LIPC: variants seen among roughly 807,000 people sequenced by gnomAD.
LIPC encodes lipase C, hepatic type.
Under a neutral mutation model 50.7 loss-of-function variants are expected in LIPC, and 44 were observed. That is an observed-to-expected ratio of 0.87 (90% CI 0.68 to 1.11). LIPC has a LOEUF of 1.11. Among genes scored for constraint, LIPC ranks in the 50% most tolerant of loss-of-function variants. The pLI, the probability that LIPC is intolerant of heterozygous loss-of-function variation, is 0.00. For missense variants in LIPC, 697 were observed against 648.2 expected, an observed-to-expected ratio of 1.08 and a Z score of -0.82; for synonymous variants, 271 against 256.4, an observed-to-expected ratio of 1.06 and a Z score of -0.54.
At chr15:58,446,823 G>T (rs1595854691) in intron 1 of LIPC, among the ~76,000 whole-genome samples, 1 of 152,164 alleles carries the variant, frequency 6.6e-6, no homozygotes, top group Non-Finnish European at 1.5e-5. Flanking sequence ...ATCTTCATCA[G>T]AGGGCTAAGC....
At chr15:58,490,562 T>C (rs1891551855) in intron 1 of LIPC, among the ~76,000 whole-genome samples, 1 of 152,196 alleles carries the variant, frequency 6.6e-6, no homozygotes, top group South Asian at 2.1e-4. Flanking sequence ...CTTCCAAATC[T>C]GGCCCGTCAC....
chr15:58,513,985 C>T (rs1348097219), intron 1 of LIPC, among the ~76,000 whole-genome samples: 1 of 152,202 alleles, frequency 6.6e-6, no homozygotes, highest in African/African-American at 2.4e-5. Context: ...CAATCATTTC[C>T]GTGACGAGCT....
intron 1 of LIPC, among the ~76,000 whole-genome samples, chr15:58,512,971 A>G (rs1221037969): frequency 6.6e-6 from 1 of 152,104 alleles, no homozygotes; most frequent in African/African-American, 2.4e-5. Flanking sequence ...GAAAAAAAAA[A>G]AAAAGTAAAA....
chr15:58,515,036 C>T (rs997735642), intron 1 of LIPC, among the ~76,000 whole-genome samples: 4 of 152,290 alleles, frequency 2.6e-5, no homozygotes, highest in Admixed American at 6.5e-5. Flanking sequence ...AGGCCACCTA[C>T]GTTCCTTGGC....
chr15:58,519,410 C>A (rs367725401), intron 1 of LIPC, among the ~76,000 whole-genome samples: 153 of 131,790 alleles, frequency 1.2e-3, no homozygotes, highest in East Asian at 1.5e-3. Flanking sequence ...GACTCTGTCT[C>A]AAAAAAAAAA....
chr15:58,566,082 T>G, intron 8 of LIPC: 1 of 977,968 alleles, frequency 1.0e-6, no homozygotes, highest in Non-Finnish European at 1.2e-6. Context: ...ATGCAGGTTC[T>G]GCTTTAGTGA....
intron 1 of LIPC, among the ~76,000 whole-genome samples, chr15:58,438,962 A>T (rs1250892158): frequency 6.6e-6 from 1 of 152,240 alleles, no homozygotes; most frequent in African/African-American, 2.4e-5. Flanking sequence ...AAGGAAATGC[A>T]TGGAATGCAA....
chr15:58,538,185 G>A (rs757036641), intron 1 of LIPC, 148 bp from the exon 2 acceptor site: 5 of 819,164 alleles, frequency 6.1e-6, no homozygotes, highest in Middle Eastern at 2.6e-4. Context: ...CAGTCTTTGG[G>A]GCTCCCCACA....
intron 1 of LIPC, among the ~76,000 whole-genome samples, chr15:58,449,556 C>T (rs952207847): frequency 2.8e-5 from 4 of 142,742 alleles, no homozygotes; most frequent in African/African-American, 5.1e-5. Context: ...TGCATTTGTT[C>T]TTTTTTTTTT....
At chr15:58,453,317 T>G (rs1345833715) in intron 1 of LIPC, among the ~76,000 whole-genome samples, 1 of 151,848 alleles carries the variant, frequency 6.6e-6, no homozygotes, top group African/African-American at 2.4e-5. Context: ...AATAGCAACG[T>G]CTCAGCCAGC....
chr15:58,516,302 G>C lies in LIPC; in HGVS notation c.89-22031G>C, dbSNP rs1157681766. Among the ~76,000 whole-genome samples the C allele has an allele frequency of 4.7e-5, 6 of 127,698 alleles. No individual in the cohort carries two copies. The Admixed American group carries it at 5.3e-4, about 11-fold the overall frequency. The allele number at this position is 127,698 out of a possible 152,430, so 83.8% of individuals were successfully genotyped here. A position where few individuals can be genotyped will look rare whatever the true frequency, so the allele number is the denominator to read the frequency against. On this transcript the variant is annotated intron_variant, in intron 1 of 8. Transcript: ENST00000299022. The stretch of plus-strand genomic sequence containing the variant: ...AGCAATTTGATTATTCTGTGGCTTG[G>C]TGTAGTTTCCCTCATATTTTTTGTG...
chr15:58,549,703 C>G (rs1215760070), intron 6 of LIPC, among the ~76,000 whole-genome samples: 1 of 152,170 alleles, frequency 6.6e-6, no homozygotes, highest in African/African-American at 2.4e-5. Flanking sequence ...GTTTCCCTCC[C>G]TTGAGTCAAG....
chr15:58,491,423 C>T (rs2140807485), intron 1 of LIPC, among the ~76,000 whole-genome samples: 1 of 152,328 alleles, frequency 6.6e-6, no homozygotes, highest in Non-Finnish European at 1.5e-5. Context: ...AATTATAATA[C>T]TATCTTGGTT....
chr15:58,527,831 T>G (rs2140886005), intron 1 of LIPC, among the ~76,000 whole-genome samples: 1 of 152,302 alleles, frequency 6.6e-6, no homozygotes. Context: ...AGGGTGGGCC[T>G]TCAGTCTCTA....
chr15:58,442,415 G>T (rs542151153), intron 1 of LIPC, among the ~76,000 whole-genome samples: 1 of 152,144 alleles, frequency 6.6e-6, no homozygotes, highest in Non-Finnish European at 1.5e-5. Context: ...AACAGCCCAC[G>T]CAGTCAATGA....
intron 1 of LIPC, among the ~76,000 whole-genome samples, chr15:58,486,094 G>A (rs1364799590): frequency 6.6e-6 from 1 of 152,178 alleles, no homozygotes; most frequent in African/African-American, 2.4e-5. Flanking sequence ...TACCATGCTG[G>A]TGAATCCATG....
intron 1 of LIPC, among the ~76,000 whole-genome samples, chr15:58,509,626 C>T (rs1197689148): frequency 1.3e-5 from 2 of 152,114 alleles, no homozygotes. Context: ...ATATAATAGC[C>T]ATACTATGGC....
At chr15:58,494,687 C>A (rs574943455) in intron 1 of LIPC, 13 of 448,062 alleles carry the variant, frequency 2.9e-5, no homozygotes, top group South Asian at 7.9e-5. Flanking sequence ...CAATACCCAG[C>A]GTCAGATAAT....
At position 58,568,142 on chromosome 15, in the gene LIPC, T is replaced by C. The variant is rs112520439; in HGVS notation, c.1389-574T>C. Reference sequence around the variant, plus strand: ...GGCCAAGCCAACAGCCAAAGCAGTCTAGTTGTTGTTTCCAAAACACATAGT... The same window carrying C: ...GGCCAAGCCAACAGCCAAAGCAGTCCAGTTGTTGTTTCCAAAACACATAGT... On this transcript the variant is annotated intron_variant, in intron 8 of 8. Coordinates refer to ENST00000299022, the MANE Select transcript of LIPC (RefSeq NM_000236.3). 6.6e-3 allele frequency among the ~76,000 whole-genome samples: 1,008 copies of C among 152,322 alleles called. 5 individuals are homozygous for C. The highest frequency in any genetic ancestry group is 9.2e-3 in the Non-Finnish European group (627 of 68,028).
Sources: allele counts gnomAD v4.1 joint callset (sites outside exome capture counted in the v4.1 genomes callset), GRCh38; gene constraint gnomAD v4.1.1; transcripts MANE v1.5; gene names NCBI Gene and HGNC (gene_info 2026-07-23, HGNC 2026-07-21).